PHF6: variants seen among roughly 807,000 people sequenced by gnomAD.
PHF6 encodes PHD-like zinc finger protein.
PHF6 carries 7 observed loss-of-function variants against 34.0 expected under a neutral mutation model. That is an observed-to-expected ratio of 0.21 (90% CI 0.12 to 0.39). PHF6 has a LOEUF of 0.39. Among genes scored for constraint, PHF6 ranks in the 10% least tolerant of loss-of-function variants. The probability of loss-of-function intolerance (pLI) is 1.00; values close to 1 mark genes in which losing one functional copy is unlikely to be tolerated. For missense variants in PHF6, 128 were observed against 262.8 expected (o/e 0.49, Z 3.55); for synonymous variants, 89 against 88.4 (o/e 1.01, Z -0.04).
At chrX:134,383,225 A>G (rs1394194973) in intron 3 of PHF6, among the ~76,000 whole-genome samples, 2 of 107,499 alleles carry the variant, frequency 1.9e-5, no homozygotes, top group African/African-American at 6.8e-5. Context: ...CCTGGGTGAT[A>G]AAGTGAGGTC....
At chrX:134,390,923 T>C (rs1294578347) in intron 3 of PHF6, among the ~76,000 whole-genome samples, 1 of 110,714 alleles carries the variant, frequency 9.0e-6, no homozygotes, top group Non-Finnish European at 1.9e-5. Context: ...CTCTCATATG[T>C]GTATACTATA....
At chrX:134,391,207 C>T (rs1775727818) in intron 3 of PHF6, among the ~76,000 whole-genome samples, 2 of 110,865 alleles carry the variant, frequency 1.8e-5, no homozygotes, top group African/African-American at 6.6e-5. Context: ...CTCCTGACCT[C>T]AGGTGATGCG....
chrX:134,414,469 A>AT (rs1460827921), intron 7 of PHF6, among the ~76,000 whole-genome samples: 1 of 111,709 alleles, frequency 9.0e-6, no homozygotes, highest in African/African-American at 3.2e-5. Flanking sequence ...GTACACATAA[A>AT]TATCTTTGAC....
At chrX:134,420,949 G>A (rs935392341) in intron 9 of PHF6, among the ~76,000 whole-genome samples, 3 of 111,249 alleles carry the variant, frequency 2.7e-5, no homozygotes, top group African/African-American at 9.8e-5. Flanking sequence ...TATGTTCCTT[G>A]ATAGAAAACT....
chrX:134,422,453 T>C (rs2077495245), intron 9 of PHF6, among the ~76,000 whole-genome samples: 1 of 111,591 alleles, frequency 9.0e-6, no homozygotes, highest in Admixed American at 9.6e-5. Context: ...GGATTCCAGA[T>C]AGACACAACT....
chrX:134,412,258 C>T (rs1208209910), intron 5 of PHF6, among the ~76,000 whole-genome samples: 1 of 111,932 alleles, frequency 8.9e-6, no homozygotes. Flanking sequence ...CCTTAACTCC[C>T]TCAAGTCCCA....
At position 134,412,195 on chromosome X, in the gene PHF6, G is replaced by A. The variant is rs1442818725; in HGVS notation, c.419-1296G>A. Among the ~76,000 whole-genome samples the A allele has an allele frequency of 4.5e-5, 5 of 112,300 alleles. No individual in the cohort carries two copies. The East Asian group carries it at 1.4e-3, about 31-fold the overall frequency. On this transcript the variant is annotated intron_variant, in intron 5 of 10. Transcript: ENST00000370803. ...TGTGTCTTCACAGGAAGTTATTCACGTGAATTTATTTTGTTGCCTATAAAA... is the reference window on the plus strand; with the variant it reads ...TGTGTCTTCACAGGAAGTTATTCACATGAATTTATTTTGTTGCCTATAAAA...
chrX:134,400,390 C>CTT (rs59456723), intron 5 of PHF6, among the ~76,000 whole-genome samples: 8 of 79,853 alleles, frequency 1.0e-4, no homozygotes, highest in Non-Finnish European at 1.7e-4. Context: ...CAGCCTTTGC[C>CTT]TTTTTTTTTT....
At chrX:134,382,571 T>TC (rs1338152208) in intron 3 of PHF6, among the ~76,000 whole-genome samples, 1 of 105,156 alleles carries the variant, frequency 9.5e-6, no homozygotes, top group African/African-American at 3.5e-5. Flanking sequence ...TTCTTCTTTT[T>TC]TTTTTTTTTT....
chrX:134,416,681 C>T (rs1203947819), intron 8 of PHF6, among the ~76,000 whole-genome samples: 1 of 112,127 alleles, frequency 8.9e-6, no homozygotes, highest in Non-Finnish European at 1.9e-5. Flanking sequence ...TCCGAACATT[C>T]TTCAGGCAAG....
At chrX:134,377,803 C>A in intron 2 of PHF6, 48 bp downstream of exon 2, 5 of 1,124,248 alleles carry the variant, frequency 4.4e-6, no homozygotes, top group Non-Finnish European at 6.1e-6. Flanking sequence ...TCATGAGACT[C>A]TTAATAACAC....
In PHF6 at chrX:134,428,325, T is replaced by C. The variant is rs190119954; in HGVS notation, c.*2665T>C. 1.3e-3 allele frequency: 192 copies of C among 150,542 alleles called. No homozygotes were observed. Among genetic ancestry groups the C allele is most frequent in the Non-Finnish European group, 2.0e-3 (157 of 77,074 alleles). 12.4% of individuals were successfully genotyped at this position (150,542 alleles called of 1,213,427 possible). ...AGGGGGGCAGGGGGTGAATTTTACTTTCATCTCAAGTTATTAAAAACCCAC... is the reference window on the plus strand; with the variant it reads ...AGGGGGGCAGGGGGTGAATTTTACTCTCATCTCAAGTTATTAAAAACCCAC... On this transcript the variant is annotated 3_prime_UTR_variant, in exon 11 of 11. Transcript: ENST00000370803.
chrX:134,380,582 G>A (rs1488449373), intron 3 of PHF6, among the ~76,000 whole-genome samples: 1 of 111,215 alleles, frequency 9.0e-6, no homozygotes, highest in Non-Finnish European at 1.9e-5. Context: ...CTTGATCTAG[G>A]GAATGGAACA....
intron 3 of PHF6, among the ~76,000 whole-genome samples, chrX:134,379,606 C>T (rs1418275804): frequency 1.8e-5 from 2 of 108,981 alleles, no homozygotes; most frequent in African/African-American, 3.3e-5. Flanking sequence ...CCATGTCTGG[C>T]GAATTTTGTA....
rs2077510680 is a variant in PHF6, at chrX:134,427,317, C to T, written c.*1657C>T. On this transcript the variant is annotated 3_prime_UTR_variant, in exon 11 of 11. Coordinates refer to ENST00000370803, the MANE Select transcript of PHF6 (RefSeq NM_001015877.2). ...AAGGACAGATCTAGATGTTTGTTTA[C>T]CAAGCTATGTGACTTCTCCCAAAGG... is the stretch of plus-strand genomic sequence containing the variant. 1 of 161,987 alleles carries T rather than the reference C, an allele frequency of 6.2e-6. No homozygotes were observed. The highest frequency in any genetic ancestry group is 1.2e-5 in the Non-Finnish European group (1 of 83,833). 13.3% of individuals were successfully genotyped at this position (161,987 alleles called of 1,213,427 possible).
At position 134,373,322 on chromosome X, in the gene PHF6, C is replaced by T. The variant is rs1381171402; in HGVS notation, c.-192C>T. ...CGAGGGGGGCGACGTAAGGGCGCTC[C>T]GCGAGCCCGTCTCTCCTCGAATGAA... On this transcript the variant is annotated 5_prime_UTR_variant, in exon 1 of 11. Transcript: ENST00000370803. 1 of 112,556 alleles carries T rather than the reference C, an allele frequency of 8.9e-6. No homozygotes were observed. The highest frequency in any genetic ancestry group is 1.9e-5 in the Non-Finnish European group (1 of 53,250). 9.3% of individuals were successfully genotyped at this position (112,556 alleles called of 1,213,427 possible).
At chrX:134,407,426 A>G (rs972122438) in intron 5 of PHF6, among the ~76,000 whole-genome samples, 1 of 112,393 alleles carries the variant, frequency 8.9e-6, no homozygotes, top group African/African-American at 3.2e-5. Flanking sequence ...AAACCACTGA[A>G]AACTTACAAG....
At chrX:134,412,230 A>G (rs1408918582) in intron 5 of PHF6, among the ~76,000 whole-genome samples, 1 of 112,269 alleles carries the variant, frequency 8.9e-6, no homozygotes, top group African/African-American at 3.2e-5. Context: ...ACACTATGCA[A>G]TAACTTTTAC....
chrX:134,415,356 C>T (rs2077469219), intron 8 of PHF6: 4 of 458,606 alleles, frequency 8.7e-6, no homozygotes, highest in South Asian at 9.5e-5. Flanking sequence ...ATATACATTT[C>T]AAGGCATTTG....
Sources: allele counts gnomAD v4.1 joint callset (sites outside exome capture counted in the v4.1 genomes callset), GRCh38; gene constraint gnomAD v4.1.1; transcripts MANE v1.5; gene names NCBI Gene and HGNC (gene_info 2026-07-23, HGNC 2026-07-21).